Variants in VPS52 observed in about 807,000 individuals in gnomAD.
The protein encoded by VPS52 is vacuolar protein sorting-associated protein 52 homolog.
In VPS52, 56 loss-of-function variants were observed where a neutral mutation model predicts 98.7. The observed-to-expected ratio is 0.57, with a 90% confidence interval of 0.46 to 0.71. The LOEUF is 0.71. VPS52 is among the 30% of genes least tolerant of loss of function. The pLI, the probability that VPS52 is intolerant of heterozygous loss-of-function variation, is 0.00. For synonymous variants in VPS52, 348 were observed against 346.4 expected, an observed-to-expected ratio of 1.00 and a Z score of -0.05; for missense variants, 742 against 925.9, an observed-to-expected ratio of 0.80 and a Z score of 2.58.
In VPS52 at chr6:33,269,133, C is replaced by T. The variant is rs1178937599; in HGVS notation, c.429G>A (p.Glu143=). 6.2e-7 allele frequency: 1 copy of T among 1,613,058 alleles called. No individual in the cohort carries two copies. The highest frequency in any genetic ancestry group is 8.5e-7 in the Non-Finnish European group (1 of 1,180,022). The change falls in exon 6 of 20, where the codon GAG becomes GAA. Residue 143 remains glutamate, a synonymous_variant. Transcript: ENST00000445902. ...CTGACTGTTCCTGCAGTGTCCGGAT[C>T]TCAGAGCTGATGGAGCTGAGGTCAC... ...FQSDLSSISS[E]IRTLQEQSGA...
In VPS52 at chr6:33,250,756, G is replaced by C. The variant is rs895159073; in HGVS notation, c.*85C>G. The stretch of plus-strand genomic sequence containing the variant: ...TGGGAAGCAAGGGGAAAACTGGAAG[G>C]GGTACCCCAGGTGAAGAAGGGTATG... On this transcript the variant is annotated 3_prime_UTR_variant, in exon 20 of 20. Coordinates refer to ENST00000445902, the MANE Select transcript of VPS52 (RefSeq NM_022553.6). The C allele has an allele frequency of 3.5e-5, 53 of 1,534,566 alleles. No homozygotes were observed. The highest frequency in any genetic ancestry group is 4.6e-5 in the Non-Finnish European group (52 of 1,136,044).
At chr6:33,253,920 G>A (rs563085890) in intron 17 of VPS52, among the ~76,000 whole-genome samples, 4 of 152,156 alleles carry the variant, frequency 2.6e-5, no homozygotes, top group South Asian at 2.1e-4. Context: ...GCTATACACC[G>A]AATATCACTG....
rs1252496375 is a variant in VPS52, at chr6:33,263,960, A to G, written c.1620+48T>C. ...TCTGGCTCCTCCTCAGACTCCACCC[A>G]CTGGAAGCAGCCCTGCTGCTGGGAA... On this transcript the variant is annotated intron_variant, in intron 15 of 19. Transcript: ENST00000445902. 3.7e-6 allele frequency: 6 copies of G among 1,613,016 alleles called. No homozygotes were observed. In the South Asian group the frequency reaches 5.5e-5, roughly 15 times the overall value.
At chr6:33,264,761 C>G (rs770961827) in intron 13 of VPS52, 21 bp downstream of exon 13, 1 of 1,608,018 alleles carries the variant, frequency 6.2e-7, no homozygotes, top group Non-Finnish European at 8.5e-7. Flanking sequence ...TGTTGGGCAT[C>G]AAGGACCAGA....
At chr6:33,256,463 CAAAAAAAAAAAAAAAAAAAAAAAA>C (rs9280385) in intron 17 of VPS52, among the ~76,000 whole-genome samples, 7 of 83,746 alleles carry the variant, frequency 8.4e-5, no homozygotes, top group African/African-American at 2.1e-4. Context: ...AAACCTGTCT[CAAAAAAAAAAAAAAAAAAAAAAAA>C]AAAAAAAAAA....
At chr6:33,261,301 T>C (rs1763606936) in intron 17 of VPS52, among the ~76,000 whole-genome samples, 1 of 151,716 alleles carries the variant, frequency 6.6e-6, no homozygotes, top group Non-Finnish European at 1.5e-5. Context: ...ATCCCGTCTC[T>C]ACTAAAAACA....
chr6:33,267,450 G>A lies in VPS52; in HGVS notation c.992-129C>T. The A allele has an allele frequency of 7.1e-7, 1 of 1,414,416 alleles. No homozygotes were observed. The highest frequency in any genetic ancestry group is 9.5e-7 in the Non-Finnish European group (1 of 1,050,580). 87.6% of individuals were successfully genotyped at this position (1,414,416 alleles called of 1,614,324 possible). On this transcript the variant is annotated intron_variant, in intron 10 of 19. Transcript: ENST00000445902. The surrounding 1 kb of genome is among the most constrained non-coding windows in gnomAD (Gnocchi z 4.2). ...CTTTCCCAGTACTAGGGCCCCACGT[G>A]CTGACATCTGTGAATGGGCTTCAGG...
intron 17 of VPS52, among the ~76,000 whole-genome samples, chr6:33,252,798 ATAG>A (rs1762457789): frequency 6.6e-6 from 1 of 152,148 alleles, no homozygotes; most frequent in South Asian, 2.1e-4. Context: ...AAATTTTGAG[ATAG>A]TAGGAGATAC....
In VPS52 at chr6:33,251,638, T is replaced by A; in HGVS notation, c.1907-2A>T. 1 of 1,609,620 alleles carries A rather than the reference T, an allele frequency of 6.2e-7. No homozygotes were observed. The highest frequency in any genetic ancestry group is 8.5e-7 in the Non-Finnish European group (1 of 1,176,576). On this transcript the variant is annotated splice_acceptor_variant, in intron 18 of 19. Coordinates refer to ENST00000445902, the MANE Select transcript of VPS52 (RefSeq NM_022553.6). LOFTEE classifies it high-confidence loss of function. Reference sequence around the variant, plus strand: ...CACGGATCAGCTGAGTTACCCGGGCTAATAGCAGGAGGAAACAGTGTCAGA... The same window carrying A: ...CACGGATCAGCTGAGTTACCCGGGCAAATAGCAGGAGGAAACAGTGTCAGA...
intron 18 of VPS52, 80 bp downstream of exon 18, chr6:33,251,780 A>G (rs1207815815): frequency 2.0e-6 from 3 of 1,486,460 alleles, no homozygotes; most frequent in Admixed American, 3.4e-5. Flanking sequence ...CTATTCCCCC[A>G]CCATGTAATC....
Position 33,269,537 on chromosome 6 carries a change from T to C in VPS52, c.325A>G (p.Ile109Val), listed in dbSNP as rs1366766131. 6.2e-7 allele frequency: 1 copy of C among 1,611,472 alleles called. No homozygotes were observed. The highest frequency in any genetic ancestry group is 1.1e-5 in the South Asian group (1 of 90,322). Residue 109 changes from isoleucine (I) to valine (V), a missense_variant, in exon 5 of 20, where the codon ATA (isoleucine) becomes GTA (valine). Ile to Val is a conservative substitution (Grantham distance 29, BLOSUM62 3). Coordinates refer to ENST00000445902, the MANE Select transcript of VPS52 (RefSeq NM_022553.6). ...IRDYIQESEN[I>V]ASLHNQITAC... ...GTGATCTGGTTGTGTAGAGATGCTA[T>C]ATTCTCACTCTCTTGAATATCTGAT...
intron 17 of VPS52, among the ~76,000 whole-genome samples, chr6:33,257,074 G>C (rs899968865): frequency 1.3e-5 from 2 of 152,068 alleles, no homozygotes; most frequent in Non-Finnish European, 2.9e-5. Context: ...CTGTTGCCCA[G>C]GCTGGAGTGC....
chr6:33,263,993 C>CT lies in VPS52; in HGVS notation c.1620+14dup, dbSNP rs781666258. ...CAGCCCTGCTGCTGGGAAGTGTCTCCTGTCCGACCCTCACCTGCAGCTGTC... is the reference window on the plus strand; with the variant it reads ...CAGCCCTGCTGCTGGGAAGTGTCTCCTTGTCCGACCCTCACCTGCAGCTGTC... On this transcript the variant is annotated intron_variant, in intron 15 of 19. Coordinates refer to ENST00000445902, the MANE Select transcript of VPS52 (RefSeq NM_022553.6). The CT allele has an allele frequency of 1.9e-6, 3 of 1,614,196 alleles. No individual in the cohort carries two copies. Among genetic ancestry groups the CT allele is most frequent in the Non-Finnish European group, 2.5e-6 (3 of 1,180,002 alleles).
intron 1 of VPS52, 129 bp downstream of exon 1, chr6:33,271,457 T>G: frequency 7.4e-7 from 1 of 1,351,098 alleles, no homozygotes; most frequent in Non-Finnish European, 1.0e-6. Flanking sequence ...CAGGGAAGGG[T>G]ACGGGGAGCC....
At chr6:33,253,613 G>A (rs1233359890) in intron 17 of VPS52, among the ~76,000 whole-genome samples, 1 of 151,846 alleles carries the variant, frequency 6.6e-6, no homozygotes, top group Non-Finnish European at 1.5e-5. Context: ...TCTGTTACCA[G>A]GTGTGGTGGC....
At chr6:33,254,838 C>T (rs1762737100) in intron 17 of VPS52, 1 of 144,842 alleles carries the variant, frequency 6.9e-6, no homozygotes, top group Non-Finnish European at 1.5e-5. Context: ...ATGTCCCACT[C>T]ATTTTTTTTT....
chr6:33,263,994 T>G lies in VPS52; in HGVS notation c.1620+14A>C, dbSNP rs1161431343. ...AGCCCTGCTGCTGGGAAGTGTCTCC[T>G]GTCCGACCCTCACCTGCAGCTGTCC... is the stretch of plus-strand genomic sequence containing the variant. On this transcript the variant is annotated intron_variant, in intron 15 of 19. Coordinates refer to ENST00000445902, the MANE Select transcript of VPS52 (RefSeq NM_022553.6). 1 of 1,614,072 alleles carries G rather than the reference T, an allele frequency of 6.2e-7. No homozygotes were observed. The highest frequency in any genetic ancestry group is 8.5e-7 in the Non-Finnish European group (1 of 1,180,004).
rs1017724250 is a variant in VPS52, at chr6:33,268,123, G to A, written c.785C>T (p.Ala262Val). 2.1e-5 allele frequency: 34 copies of A among 1,612,940 alleles called. No individual in the cohort carries two copies. The highest frequency in any genetic ancestry group is 2.7e-5 in the Non-Finnish European group (32 of 1,180,050). Residue 262 changes from alanine to valine, a missense_variant, in exon 8 of 20, where the codon GCC (alanine) becomes GTC (valine). Physicochemically the swap from Ala to Val is moderately conservative, Grantham distance 64. Coordinates refer to ENST00000445902, the MANE Select transcript of VPS52 (RefSeq NM_022553.6). This position sits in a 1 kb window ranked among gnomAD's most constrained non-coding sequence, Gnocchi z 4.0. ...GGGTTGTGACCTGTACTTCAGCAGG[G>A]CCGTCTGGGGGATCTGATAGTTGGT... is the stretch of plus-strand genomic sequence containing the variant. ...PMTNYQIPQTALLKYRFFYQF... is the reference protein window; with the variant it reads ...PMTNYQIPQTVLLKYRFFYQF...
chr6:33,254,628 G>T (rs1387929027), intron 17 of VPS52: 1 of 151,932 alleles, frequency 6.6e-6, no homozygotes, highest in East Asian at 1.9e-4. Flanking sequence ...ATATACACCT[G>T]ATTTTGAAGA....
Sources: allele counts gnomAD v4.1 joint callset (sites outside exome capture counted in the v4.1 genomes callset), GRCh38; gene constraint gnomAD v4.1.1; non-coding constraint Gnocchi (gnomAD v3.1); transcripts MANE v1.5; gene names NCBI Gene and HGNC (gene_info 2026-07-23, HGNC 2026-07-21).